The following FAM117B variants were observed in gnomAD, a reference collection of about 807,000 sequenced individuals.
FAM117B encodes protein FAM117B.
In FAM117B, 22 loss-of-function variants were observed where a neutral mutation model predicts 52.8. The observed-to-expected ratio is 0.42, with a 90% CI of 0.30 to 0.59. The LOEUF (loss-of-function observed/expected upper bound fraction) is 0.59, where lower values mean the gene tolerates loss of function less well. Ranked by LOEUF, FAM117B falls within the 20% of genes least tolerant of loss-of-function variation. FAM117B has a pLI of 0.22. For missense variants in FAM117B, 678 were observed against 802.6 expected, an observed-to-expected ratio of 0.84 and a Z score of 1.88; for synonymous variants, 309 against 324.1, an observed-to-expected ratio of 0.95 and a Z score of 0.50.
intron 1 of FAM117B, among the ~76,000 whole-genome samples, chr2:202,656,117 GT>G (rs2105759117): frequency 6.6e-6 from 1 of 151,184 alleles, no homozygotes; most frequent in South Asian, 2.1e-4. Flanking sequence ...TTTTCTCTTT[GT>G]TTGGTCAGAA....
chr2:202,645,634 C>T (rs565633227), intron 1 of FAM117B, among the ~76,000 whole-genome samples: 3 of 150,298 alleles, frequency 2.0e-5, no homozygotes, highest in East Asian at 4.0e-4. Flanking sequence ...GACGGAGTCT[C>T]GCTCTGTCGC....
At chr2:202,695,023 C>T (rs886663238) in intron 1 of FAM117B, among the ~76,000 whole-genome samples, 2 of 152,032 alleles carry the variant, frequency 1.3e-5, no homozygotes, top group East Asian at 1.9e-4. Context: ...TGAAATGTAT[C>T]GAACAAGGGT....
At chr2:202,660,699 A>G (rs116126337) in intron 1 of FAM117B, among the ~76,000 whole-genome samples, 1,791 of 152,296 alleles carry the variant, frequency 0.012, 23 homozygotes, top group Admixed American at 0.022. Context: ...TAACCTCTCC[A>G]CACTATCATG....
At chr2:202,694,353 G>A (rs1690677688) in intron 1 of FAM117B, among the ~76,000 whole-genome samples, 1 of 151,756 alleles carries the variant, frequency 6.6e-6, no homozygotes, top group Admixed American at 6.6e-5. Flanking sequence ...ACCACACCTG[G>A]CTAATTTTTG....
chr2:202,642,859 T>A (rs149051389), intron 1 of FAM117B, among the ~76,000 whole-genome samples: 2 of 152,220 alleles, frequency 1.3e-5, no homozygotes, highest in East Asian at 3.9e-4. Context: ...AACAAGCATT[T>A]TTAAGGGTAG....
chr2:202,714,329 T>A (rs142558543), intron 2 of FAM117B, among the ~76,000 whole-genome samples: 130 of 152,236 alleles, frequency 8.5e-4, no homozygotes, highest in African/African-American at 3.1e-3. Context: ...CCATTTGATT[T>A]ATAGTATAGA....
rs1181553755 is a variant in FAM117B, at chr2:202,635,175, G to T, written c.-13G>T. 3.2e-6 allele frequency: 4 copies of T among 1,269,580 alleles called. No homozygotes were observed. The highest frequency in any genetic ancestry group is 4.1e-5 in the Admixed American group (1 of 24,534). The allele number at this position is 1,269,580 out of a possible 1,614,324, so 78.6% of individuals were successfully genotyped here. ...CCCCCCGTCTCGCCCAGTCACCGGG[G>T]AGGGGGGGGACCATGTCCCAGCGGG... On this transcript the variant is annotated 5_prime_UTR_variant, in exon 1 of 8. Coordinates refer to ENST00000392238, the MANE Select transcript of FAM117B (RefSeq NM_173511.4).
intron 2 of FAM117B, among the ~76,000 whole-genome samples, chr2:202,703,522 T>G (rs1201262270): frequency 1.3e-5 from 2 of 152,102 alleles, no homozygotes; most frequent in African/African-American, 4.8e-5. Flanking sequence ...GCCCAGCTAG[T>G]TTTTTGAGTT....
intron 2 of FAM117B, among the ~76,000 whole-genome samples, chr2:202,701,622 G>A (rs1690796371): frequency 6.6e-6 from 1 of 152,186 alleles, no homozygotes; most frequent in Non-Finnish European, 1.5e-5. Flanking sequence ...GTAGGATTAG[G>A]TCAAATATCA....
At chr2:202,729,917 T>G (rs372371361) in intron 4 of FAM117B, among the ~76,000 whole-genome samples, 1 of 152,122 alleles carries the variant, frequency 6.6e-6, no homozygotes, top group African/African-American at 2.4e-5. Context: ...ATAATGGTCA[T>G]TATGGGGTCA....
chr2:202,725,058 G>C, intron 3 of FAM117B, 49 bp downstream of exon 3: 1 of 1,434,652 alleles, frequency 7.0e-7, no homozygotes, highest in Non-Finnish European at 9.7e-7. Context: ...TGATCCTTTT[G>C]TTGGCTATTT....
intron 1 of FAM117B, among the ~76,000 whole-genome samples, chr2:202,655,483 C>T (rs1201989292): frequency 3.9e-5 from 6 of 151,968 alleles, no homozygotes; most frequent in Non-Finnish European, 5.9e-5. Flanking sequence ...AGGATTTTTA[C>T]ATTTATATTC....
chr2:202,689,611 A>T (rs1204414031), intron 1 of FAM117B, among the ~76,000 whole-genome samples: 1 of 151,992 alleles, frequency 6.6e-6, no homozygotes, highest in Non-Finnish European at 1.5e-5. Flanking sequence ...ATAATAGGAG[A>T]CATAGCCTTT....
intron 1 of FAM117B, among the ~76,000 whole-genome samples, chr2:202,636,823 A>G (rs1297791614): frequency 6.6e-6 from 1 of 152,250 alleles, no homozygotes; most frequent in African/African-American, 2.4e-5. Context: ...TGGAAGGAAT[A>G]GGATGACTCT....
chr2:202,652,768 C>G (rs1307055721), intron 1 of FAM117B, among the ~76,000 whole-genome samples: 2 of 152,148 alleles, frequency 1.3e-5, no homozygotes, highest in Non-Finnish European at 2.9e-5. Flanking sequence ...GGGAATGCTC[C>G]TGTTCTACTT....
At chr2:202,638,017 C>G (rs925871270) in intron 1 of FAM117B, among the ~76,000 whole-genome samples, 4 of 152,038 alleles carry the variant, frequency 2.6e-5, no homozygotes, top group Non-Finnish European at 5.9e-5. Context: ...GCTGGGATTA[C>G]AGGCATGCGC....
intron 2 of FAM117B, among the ~76,000 whole-genome samples, chr2:202,708,665 G>A (rs12476638): frequency 0.21 from 31,909 of 152,098 alleles, 3,638 homozygotes; most frequent in South Asian, 0.38. Flanking sequence ...AAATACAGTG[G>A]CGTGATCTTA....
At chr2:202,724,774 G>A (rs181300115) in intron 2 of FAM117B, 143 bp from the exon 3 acceptor site, 10 of 468,618 alleles carry the variant, frequency 2.1e-5, no homozygotes, top group East Asian at 3.8e-5. Context: ...ACTGGTGCCA[G>A]GAGAATTTTG....
chr2:202,689,873 C>T (rs1203756878), intron 1 of FAM117B, among the ~76,000 whole-genome samples: 3 of 151,836 alleles, frequency 2.0e-5, no homozygotes, highest in African/African-American at 7.3e-5. Flanking sequence ...AGCCCTGATC[C>T]CACCGCTGCT....
Sources: gnomAD v4.1 joint callset for allele counts (sites outside exome capture counted in the v4.1 genomes callset) on GRCh38, gnomAD v4.1.1 for gene constraint, MANE v1.5 for transcripts, NCBI Gene and HGNC (gene_info 2026-07-23, HGNC 2026-07-21) for gene names.